SCAND3: variants seen among roughly 807,000 people sequenced by gnomAD.
SCAND3 encodes the protein SCAN domain containing 3, also known as SCAN domain-containing protein 3.
the SCAND3 span, chr6:28,586,493 T>A: frequency 6.2e-7 from 1 of 1,614,214 alleles, no homozygotes. This position sits in a 1 kb window ranked among gnomAD's most constrained non-coding sequence, Gnocchi z 4.4. Context: ...GACGGCAAAG[T>A]TCCCGCAGTT....
At chr6:28,574,690 A>T in the SCAND3 span, 1 of 1,614,052 alleles carries the variant, frequency 6.2e-7, no homozygotes, top group South Asian at 1.1e-5. Context: ...TGATGGCTTT[A>T]GCATTTTGGA....
the SCAND3 span, among the ~76,000 whole-genome samples, chr6:28,607,571 C>T: frequency 6.7e-6 from 1 of 150,078 alleles, no homozygotes; most frequent in African/African-American, 2.4e-5. Context: ...GAGCAAAGAA[C>T]AGCATGGAGG....
At chr6:28,573,347 T>G in the SCAND3 span, 2 of 1,614,166 alleles carry the variant, frequency 1.2e-6, no homozygotes, top group Non-Finnish European at 1.7e-6. Flanking sequence ...ACTTCTTTGA[T>G]GCAGTCTTTC....
chr6:28,608,251 G>A, the SCAND3 span, among the ~76,000 whole-genome samples: 320 of 152,212 alleles, frequency 2.1e-3, 1 homozygote, highest in African/African-American at 3.2e-3. Context: ...TCACTGTTTC[G>A]CCCTGAACAT....
chr6:28,577,215 A>C, the SCAND3 span, among the ~76,000 whole-genome samples: 1 of 152,226 alleles, frequency 6.6e-6, no homozygotes, highest in East Asian at 1.9e-4. Context: ...AGAAACACTA[A>C]GAATACTTCA....
At chr6:28,612,832 T>C in the SCAND3 span, among the ~76,000 whole-genome samples, 79 of 152,216 alleles carry the variant, frequency 5.2e-4, no homozygotes, top group Non-Finnish European at 1.0e-3. Flanking sequence ...GAATCCTTAA[T>C]TTCTTCCCAC....
chr6:28,611,818 G>C, the SCAND3 span, among the ~76,000 whole-genome samples: 1 of 152,196 alleles, frequency 6.6e-6, no homozygotes, highest in Non-Finnish European at 1.5e-5. Context: ...AATAGGAGTT[G>C]TTTTCCACTG....
chr6:28,603,155 G>C, the SCAND3 span, among the ~76,000 whole-genome samples: 3 of 151,590 alleles, frequency 2.0e-5, no homozygotes, highest in Non-Finnish European at 4.4e-5. Flanking sequence ...TAGTAGAGAC[G>C]GGGTTTCACC....
chr6:28,584,899 G>A, the SCAND3 span, among the ~76,000 whole-genome samples: 1 of 152,170 alleles, frequency 6.6e-6, no homozygotes, highest in African/African-American at 2.4e-5. Context: ...CACTTCTGCG[G>A]GACTTCCATC....
chr6:28,588,456 C>A, the SCAND3 span, among the ~76,000 whole-genome samples: 2 of 152,126 alleles, frequency 1.3e-5, no homozygotes, highest in Non-Finnish European at 2.9e-5. This position sits in a 1 kb window ranked among gnomAD's most constrained non-coding sequence, Gnocchi z 4.1. Flanking sequence ...TTAATTACTA[C>A]AACAGTGATA....
At chr6:28,603,342 G>C in the SCAND3 span, among the ~76,000 whole-genome samples, 1 of 152,260 alleles carries the variant, frequency 6.6e-6, no homozygotes, top group South Asian at 2.1e-4. Context: ...ATTGGCAATT[G>C]TTTTATTTCA....
At chr6:28,593,587 A>C in the SCAND3 span, 1 of 152,276 alleles carries the variant, frequency 6.6e-6, no homozygotes, top group Non-Finnish European at 1.5e-5. Flanking sequence ...AGGCAGGAAA[A>C]TCGCTTGAAA....
chr6:28,583,092 C>A, the SCAND3 span, among the ~76,000 whole-genome samples: 1 of 151,208 alleles, frequency 6.6e-6, no homozygotes, highest in Non-Finnish European at 1.5e-5. Context: ...AGGATATAAT[C>A]ATCAAAAATT....
At chr6:28,606,728 C>A in the SCAND3 span, among the ~76,000 whole-genome samples, 1 of 152,126 alleles carries the variant, frequency 6.6e-6, no homozygotes, top group South Asian at 2.1e-4. Flanking sequence ...GTTCAGTGGA[C>A]GTTTTGGGCT....
chr6:28,584,694 C>A, the SCAND3 span, among the ~76,000 whole-genome samples: 1 of 152,318 alleles, frequency 6.6e-6, no homozygotes, highest in African/African-American at 2.4e-5. Context: ...CCAATAGAGA[C>A]TGGTTTCATA....
the SCAND3 span, chr6:28,576,182 T>C: frequency 1.4e-6 from 2 of 1,459,306 alleles, no homozygotes; most frequent in Non-Finnish European, 1.8e-6. Context: ...AGGAATATAA[T>C]TTAAAAGACA....
the SCAND3 span, chr6:28,575,976 T>C: frequency 2.5e-6 from 4 of 1,613,642 alleles, no homozygotes; most frequent in Non-Finnish European, 3.4e-6. This position sits in a 1 kb window ranked among gnomAD's most constrained non-coding sequence, Gnocchi z 4.2. Flanking sequence ...CTTTAGAAAA[T>C]ATCTTAGTAT....
the SCAND3 span, among the ~76,000 whole-genome samples, chr6:28,576,831 C>T: frequency 3.4e-5 from 5 of 148,926 alleles, no homozygotes; most frequent in Non-Finnish European, 5.9e-5. Context: ...AGGATGGTCT[C>T]GATCTCCTGA....
the SCAND3 span, among the ~76,000 whole-genome samples, chr6:28,577,292 C>G: frequency 6.6e-6 from 1 of 152,142 alleles, no homozygotes; most frequent in African/African-American, 2.4e-5. Context: ...TTGGAATTAG[C>G]ATAACATCTC....
Sources: gnomAD v4.1 joint callset for allele counts (sites outside exome capture counted in the v4.1 genomes callset) on GRCh38, gnomAD v4.1.1 for gene constraint, Gnocchi (gnomAD v3.1) non-coding constraint, MANE v1.5 for transcripts, NCBI Gene and HGNC (gene_info 2026-07-23, HGNC 2026-07-21) for gene names.